C1QTNF7: variants seen among roughly 807,000 people sequenced by gnomAD.
C1QTNF7 encodes C1q and TNF related 7, also known as complement C1q tumor necrosis factor-related protein 7.
In C1QTNF7, 15 loss-of-function variants were observed where a neutral mutation model predicts 19.6. That is an observed-to-expected ratio of 0.76 (90% CI 0.51 to 1.18). The LOEUF (loss-of-function observed/expected upper bound fraction) is 1.18, where lower values mean the gene tolerates loss of function less well. Ranked by LOEUF, C1QTNF7 falls within the 50% of genes most tolerant of loss-of-function variation. The pLI is 0.00. For missense variants in C1QTNF7, 324 were observed against 359.7 expected, an observed-to-expected ratio of 0.90 and a Z score of 0.80; for synonymous variants, 142 against 137.5, an observed-to-expected ratio of 1.03 and a Z score of -0.23.
chr4:15,385,515 G>A (rs904647401), intron 1 of C1QTNF7, among the ~76,000 whole-genome samples: 2 of 152,214 alleles, frequency 1.3e-5, no homozygotes, highest in African/African-American at 2.4e-5. Context: ...AGATGCCAGG[G>A]TGGCTGGAAA....
At chr4:15,355,849 A>T (rs910989356) in intron 1 of C1QTNF7, among the ~76,000 whole-genome samples, 1 of 151,982 alleles carries the variant, frequency 6.6e-6, no homozygotes, top group Non-Finnish European at 1.5e-5. Flanking sequence ...AATAAATAGC[A>T]ACAGTATTTT....
chr4:15,365,013 C>A (rs1717465252), intron 1 of C1QTNF7, among the ~76,000 whole-genome samples: 1 of 152,124 alleles, frequency 6.6e-6, no homozygotes, highest in Non-Finnish European at 1.5e-5. Flanking sequence ...GGGGCTTCAT[C>A]CCACGTGAAA....
chr4:15,359,115 C>T (rs974350118), intron 1 of C1QTNF7, among the ~76,000 whole-genome samples: 3 of 152,078 alleles, frequency 2.0e-5, no homozygotes, highest in East Asian at 1.9e-4. Flanking sequence ...TCTCAATGGG[C>T]GGCTAGGCAT....
rs76938731 is a variant in C1QTNF7, at chr4:15,434,514, T to C, written c.-8-1222T>C. Among the ~76,000 whole-genome samples the C allele has an allele frequency of 5.8e-3, 876 of 152,342 alleles. 5 individuals are homozygous for C. The highest frequency in any genetic ancestry group is 0.02 in the African/African-American group (843 of 41,574). ...AGAGTATACACCAGGTCAAGCACTA[T>C]ATAGATTTCTTGTTAAAGCATGGGT... On this transcript the variant is annotated intron_variant, in intron 1 of 2. Coordinates refer to ENST00000444304, the MANE Select transcript of C1QTNF7 (RefSeq NM_031911.5).
At chr4:15,382,616 G>T (rs935279081) in intron 1 of C1QTNF7, among the ~76,000 whole-genome samples, 1 of 152,156 alleles carries the variant, frequency 6.6e-6, no homozygotes, top group Non-Finnish European at 1.5e-5. Flanking sequence ...AACAATGCAT[G>T]ATATACTCAG....
At chr4:15,402,970 C>T (rs1354653976) in intron 1 of C1QTNF7, among the ~76,000 whole-genome samples, 1 of 143,106 alleles carries the variant, frequency 7.0e-6, no homozygotes, top group African/African-American at 2.6e-5. Context: ...GTTTGTTTTG[C>T]TTTGCTTTTT....
chr4:15,408,091 A>C (rs764760457), intron 1 of C1QTNF7, among the ~76,000 whole-genome samples: 6 of 152,026 alleles, frequency 3.9e-5, no homozygotes, highest in Non-Finnish European at 8.8e-5. Flanking sequence ...ATATGGTGAA[A>C]TCCCATCTCT....
intron 1 of C1QTNF7, among the ~76,000 whole-genome samples, chr4:15,391,738 A>G (rs1164995695): frequency 6.6e-6 from 1 of 152,252 alleles, no homozygotes; most frequent in Non-Finnish European, 1.5e-5. Context: ...TGCCTTATAA[A>G]TAATAAACAT....
At chr4:15,363,529 C>T (rs1007146631) in intron 1 of C1QTNF7, among the ~76,000 whole-genome samples, 3 of 152,122 alleles carry the variant, frequency 2.0e-5, no homozygotes, top group Non-Finnish European at 4.4e-5. Context: ...CTGAGCCTTT[C>T]TCTTCTAGGA....
At chr4:15,367,128 CTT>C (rs1717554982) in intron 1 of C1QTNF7, among the ~76,000 whole-genome samples, 1 of 152,138 alleles carries the variant, frequency 6.6e-6, no homozygotes, top group Non-Finnish European at 1.5e-5. Context: ...TCAAACTATG[CTT>C]TGAAGCTAGG....
chr4:15,420,546 C>G (rs1711699672), intron 1 of C1QTNF7, among the ~76,000 whole-genome samples: 2 of 152,220 alleles, frequency 1.3e-5, no homozygotes, highest in African/African-American at 4.8e-5. Context: ...ACAAATGTGT[C>G]AGTCAACAAG....
At chr4:15,437,079 A>G (rs1327314498) in intron 2 of C1QTNF7, among the ~76,000 whole-genome samples, 1 of 152,232 alleles carries the variant, frequency 6.6e-6, no homozygotes. Flanking sequence ...GTTTTTAAAG[A>G]CATCCATAGG....
At chr4:15,351,286 A>G (rs1716927096) in intron 1 of C1QTNF7, among the ~76,000 whole-genome samples, 1 of 152,086 alleles carries the variant, frequency 6.6e-6, no homozygotes, top group African/African-American at 2.4e-5. Context: ...CTCCTCCTCC[A>G]TAGCCATCTA....
intron 1 of C1QTNF7, among the ~76,000 whole-genome samples, chr4:15,420,997 G>A (rs529334798): frequency 8.6e-5 from 13 of 151,826 alleles, no homozygotes; most frequent in South Asian, 6.2e-4. Context: ...ACCACCTGCC[G>A]CTAAATCTTT....
At chr4:15,432,599 T>A (rs989926928) in intron 1 of C1QTNF7, among the ~76,000 whole-genome samples, 1 of 152,194 alleles carries the variant, frequency 6.6e-6, no homozygotes, top group Non-Finnish European at 1.5e-5. Flanking sequence ...TTCACCATAT[T>A]GGCCAGGCTA....
chr4:15,428,010 T>C (rs1282285671), upstream of C1QTNF7: 11 of 984,660 alleles, frequency 1.1e-5, no homozygotes, highest in South Asian at 1.9e-4. Context: ...TGTTATTCTG[T>C]CTGGTACCAA....
At chr4:15,365,442 C>G (rs1305607585) in intron 1 of C1QTNF7, among the ~76,000 whole-genome samples, 2 of 152,158 alleles carry the variant, frequency 1.3e-5, no homozygotes, top group African/African-American at 4.8e-5. Flanking sequence ...CATTTGCCAT[C>G]AAAAGAAGTT....
chr4:15,436,746 G>A (rs180863541), intron 2 of C1QTNF7, among the ~76,000 whole-genome samples: 34 of 152,268 alleles, frequency 2.2e-4, no homozygotes, highest in Admixed American at 2.2e-3. Context: ...ATTCTAGACA[G>A]GCTGTGTTAA....
chr4:15,383,290 G>A (rs1045981902), intron 1 of C1QTNF7, among the ~76,000 whole-genome samples: 1 of 152,128 alleles, frequency 6.6e-6, no homozygotes, highest in Non-Finnish European at 1.5e-5. Flanking sequence ...AGTGTTGCTA[G>A]GTTCAGGGCA....
Sources: allele counts gnomAD v4.1 joint callset (sites outside exome capture counted in the v4.1 genomes callset), GRCh38; gene constraint gnomAD v4.1.1; transcripts MANE v1.5; gene names NCBI Gene and HGNC (gene_info 2026-07-23, HGNC 2026-07-21).